Variants in NELL1 observed in about 807,000 individuals in gnomAD.
The protein encoded by NELL1 is neural EGFL like 1.
In NELL1, 76 loss-of-function variants were observed where a neutral mutation model predicts 107.4. That is an observed-to-expected ratio of 0.71 (90% CI 0.59 to 0.86). NELL1 has a LOEUF of 0.86. Ranked by LOEUF, NELL1 falls within the 40% of genes least tolerant of loss-of-function variation. The pLI is 0.00. For synonymous variants in NELL1, 353 were observed against 341.2 expected, an observed-to-expected ratio of 1.03 and a Z score of -0.38; for missense variants, 1,024 against 1,005.5, an observed-to-expected ratio of 1.02 and a Z score of -0.25.
intron 15 of NELL1, among the ~76,000 whole-genome samples, chr11:21,424,909 A>G (rs1364800222): frequency 6.6e-6 from 1 of 152,216 alleles, no homozygotes; most frequent in Admixed American, 6.5e-5. Flanking sequence ...AAAATTGAAA[A>G]GAAGGGATAA....
At chr11:21,287,768 G>A (rs977083597) in intron 14 of NELL1, among the ~76,000 whole-genome samples, 1 of 151,454 alleles carries the variant, frequency 6.6e-6, no homozygotes, top group African/African-American at 2.4e-5. Flanking sequence ...GAGATTGAGG[G>A]GGTAACTCTC....
chr11:21,382,683 CATTA>C lies in NELL1; in HGVS notation c.1645+11738_1645+11741del, dbSNP rs148480936. Among the ~76,000 whole-genome samples the C allele has an allele frequency of 3.4e-3, 518 of 151,900 alleles. 1 individual carries two copies. Among genetic ancestry groups the C allele is most frequent in the African/African-American group, 0.012 (491 of 41,494 alleles). ...TCCATAGGGCCCTTTGTAACTTTACCATTAATGAAGGGAGCTAGTCTTTTAAATA... is the reference window on the plus strand; with the variant it reads ...TCCATAGGGCCCTTTGTAACTTTACCATGAAGGGAGCTAGTCTTTTAAATA... On this transcript the variant is annotated intron_variant, in intron 15 of 19. Transcript: ENST00000357134.
intron 3 of NELL1, among the ~76,000 whole-genome samples, chr11:20,801,460 C>T (rs1174726339): frequency 1.3e-5 from 2 of 152,142 alleles, no homozygotes; most frequent in Non-Finnish European, 1.5e-5. Flanking sequence ...GAGCTCCTTA[C>T]ATATTCTGGT....
chr11:20,958,387 T>C (rs1851221680), intron 11 of NELL1, among the ~76,000 whole-genome samples: 1 of 152,142 alleles, frequency 6.6e-6, no homozygotes, highest in Non-Finnish European at 1.5e-5. Context: ...CACTCCAACC[T>C]GGGCAACAGA....
chr11:21,196,733 G>A (rs1857161429), intron 13 of NELL1, among the ~76,000 whole-genome samples: 2 of 152,028 alleles, frequency 1.3e-5, no homozygotes, highest in South Asian at 2.1e-4. Context: ...TAGAATGTGA[G>A]CTGTATTACA....
At chr11:20,796,132 C>T (rs1857164701) in intron 3 of NELL1, among the ~76,000 whole-genome samples, 1 of 152,074 alleles carries the variant, frequency 6.6e-6, no homozygotes, top group Non-Finnish European at 1.5e-5. Flanking sequence ...TAAAATTCTT[C>T]ATAAGGGAAG....
intron 2 of NELL1, among the ~76,000 whole-genome samples, chr11:20,734,788 A>G (rs1251287919): frequency 1.3e-5 from 2 of 152,138 alleles, no homozygotes; most frequent in African/African-American, 4.8e-5. Flanking sequence ...CAAGTGTGAT[A>G]TTTGAGGCCA....
intron 16 of NELL1, among the ~76,000 whole-genome samples, chr11:21,548,353 CT>C (rs1356302335): frequency 1.3e-5 from 2 of 151,830 alleles, no homozygotes; most frequent in African/African-American, 4.8e-5. Context: ...TTTCACACTG[CT>C]GATAAAGACA....
chr11:21,234,735 A>T (rs1006304115), intron 14 of NELL1, among the ~76,000 whole-genome samples: 1 of 152,204 alleles, frequency 6.6e-6, no homozygotes, highest in Admixed American at 6.5e-5. Context: ...TGCTGGATAA[A>T]CTGTGTACAA....
rs373660964 is a variant in NELL1 at position 21,461,499 on chromosome 11, T to C, written c.1646-72875T>C. Among the ~76,000 whole-genome samples the C allele has an allele frequency of 1.5e-3, 225 of 152,208 alleles. 6 individuals are homozygous for C. The South Asian group carries it at 0.046, about 31-fold the overall frequency. ...GTGCTGTAGAAAACTTTAGGAAACA[T>C]TAACAGAAGGTCTCCAAATTCCCCT... On this transcript the variant is annotated intron_variant, in intron 15 of 19. Transcript: ENST00000357134.
intron 16 of NELL1, among the ~76,000 whole-genome samples, chr11:21,541,540 G>T (rs1398532440): frequency 2.6e-5 from 4 of 152,046 alleles, no homozygotes; most frequent in African/African-American, 9.7e-5. Context: ...GATAAAAAGG[G>T]GTAGAACCTG....
At chr11:21,303,115 TATCTTCTG>T (rs1849533147) in intron 14 of NELL1, among the ~76,000 whole-genome samples, 1 of 144,574 alleles carries the variant, frequency 6.9e-6, no homozygotes, top group Non-Finnish European at 1.5e-5. Flanking sequence ...TATCTATATC[TATCTTCTG>T]TCTATCTATA....
At chr11:20,940,643 G>A (rs1033511941) in intron 10 of NELL1, among the ~76,000 whole-genome samples, 2 of 152,224 alleles carry the variant, frequency 1.3e-5, no homozygotes, top group South Asian at 2.1e-4. Flanking sequence ...AGGTGAAAGC[G>A]CCAGTATTTC....
chr11:21,503,208 G>A (rs918946583), intron 15 of NELL1, among the ~76,000 whole-genome samples: 3 of 152,112 alleles, frequency 2.0e-5, no homozygotes, highest in East Asian at 1.9e-4. Context: ...TACTTTGTTC[G>A]CAAAGACAGA....
chr11:20,677,884 AG>A (rs1451544279), intron 1 of NELL1, 47 bp from the exon 2 acceptor site: 1 of 1,609,142 alleles, frequency 6.2e-7, no homozygotes, highest in Admixed American at 1.7e-5. Context: ...TCTGAATGCT[AG>A]TAACAGTCTG....
intron 14 of NELL1, among the ~76,000 whole-genome samples, chr11:21,320,301 T>C (rs1471684431): frequency 6.6e-6 from 1 of 152,198 alleles, no homozygotes; most frequent in Non-Finnish European, 1.5e-5. Context: ...AATCAAATGC[T>C]AAACTCTTCA....
intron 14 of NELL1, among the ~76,000 whole-genome samples, chr11:21,258,074 T>G (rs1858814842): frequency 6.6e-6 from 1 of 152,026 alleles, no homozygotes; most frequent in Admixed American, 6.6e-5. Flanking sequence ...GAGAAGAAGT[T>G]AAAATCAGAT....
chr11:21,009,012 TTTGA>T (rs2134283901), intron 12 of NELL1, among the ~76,000 whole-genome samples: 1 of 152,154 alleles, frequency 6.6e-6, no homozygotes, highest in Non-Finnish European at 1.5e-5. Context: ...ACTGTGGCAA[TTTGA>T]TTGGTGGGAC....
intron 15 of NELL1, among the ~76,000 whole-genome samples, chr11:21,506,575 T>C (rs929053764): frequency 3.9e-5 from 6 of 152,186 alleles, no homozygotes; most frequent in Non-Finnish European, 7.4e-5. Flanking sequence ...CATCTGAAAA[T>C]GGGACATGGG....
Sources: gnomAD v4.1 joint callset for allele counts (sites outside exome capture counted in the v4.1 genomes callset) on GRCh38, gnomAD v4.1.1 for gene constraint, MANE v1.5 for transcripts, NCBI Gene and HGNC (gene_info 2026-07-23, HGNC 2026-07-21) for gene names.